The following SLC4A4 variants were observed in gnomAD, a reference collection of about 807,000 sequenced individuals.
The protein encoded by SLC4A4 is electrogenic sodium bicarbonate cotransporter 1.
In SLC4A4, 27 loss-of-function variants were observed where a neutral mutation model predicts 111.5. That is an observed-to-expected ratio of 0.24 (90% CI 0.18 to 0.33). The LOEUF is 0.33. SLC4A4 is among the 10% of genes least tolerant of loss of function. The probability of loss-of-function intolerance (pLI) is 1.00; values close to 1 mark genes in which losing one functional copy is unlikely to be tolerated. For missense variants in SLC4A4, 909 were observed against 1,315.5 expected (o/e 0.69, Z 4.78); for synonymous variants, 443 against 463.4 (o/e 0.96, Z 0.57).
intron 2 of SLC4A4, among the ~76,000 whole-genome samples, chr4:71,124,350 T>C (rs1743509351): frequency 6.6e-6 from 1 of 152,090 alleles, no homozygotes; most frequent in Admixed American, 6.5e-5. Context: ...TTTTGTATTT[T>C]TAGTAGAGAC....
chr4:71,090,317 G>C (rs1311178484), intron 1 of SLC4A4, among the ~76,000 whole-genome samples: 1 of 152,144 alleles, frequency 6.6e-6, no homozygotes, highest in African/African-American at 2.4e-5. Context: ...GACTAGGAAA[G>C]GGAATTCCCT....
At chr4:71,149,212 A>G in intron 2 of SLC4A4, among the ~76,000 whole-genome samples, 1 of 152,188 alleles carries the variant, frequency 6.6e-6, no homozygotes, top group Non-Finnish European at 1.5e-5. Flanking sequence ...TCTTTCTTGA[A>G]TGTTCTCATT....
At chr4:71,286,831 T>C (rs541003744) in intron 3 of SLC4A4, among the ~76,000 whole-genome samples, 4 of 152,368 alleles carry the variant, frequency 2.6e-5, no homozygotes, top group Admixed American at 1.3e-4. Context: ...TGCCAGGCAC[T>C]ATGTTGTACA....
chr4:71,343,793 T>C (rs957507107), intron 4 of SLC4A4, among the ~76,000 whole-genome samples: 11 of 152,190 alleles, frequency 7.2e-5, no homozygotes, highest in Non-Finnish European at 1.3e-4. Flanking sequence ...CCATCATCTC[T>C]TTGACCTTGT....
chr4:71,549,511 T>C (rs1735809292), intron 20 of SLC4A4, among the ~76,000 whole-genome samples: 1 of 151,892 alleles, frequency 6.6e-6, no homozygotes, highest in African/African-American at 2.4e-5. Flanking sequence ...GAGGGATAAA[T>C]GGGCAGAATC....
chr4:71,199,260 G>A (rs1357568097), intron 1 of SLC4A4, among the ~76,000 whole-genome samples: 1 of 152,172 alleles, frequency 6.6e-6, no homozygotes, highest in Non-Finnish European at 1.5e-5. Flanking sequence ...GAAGGCACTA[G>A]TGTAAATGCA....
At chr4:71,376,207 A>G (rs10028573) in intron 6 of SLC4A4, among the ~76,000 whole-genome samples, 5 of 149,608 alleles carry the variant, frequency 3.3e-5, no homozygotes, top group Admixed American at 2.7e-4. Context: ...ATATGTGTGT[A>G]TATATATTTT....
In SLC4A4 at chr4:71,421,112, A is replaced by C. The variant is rs569467958; in HGVS notation, c.808-19504A>C. 7.0e-4 allele frequency among the ~76,000 whole-genome samples: 106 copies of C among 150,928 alleles called. 1 individual carries two copies. The highest frequency in any genetic ancestry group is 2.4e-3 in the African/African-American group (97 of 41,176). On this transcript the variant is annotated intron_variant, in intron 7 of 25. Transcript: ENST00000264485. ...ACCCATCTCACGTGCAGAGACACACATAGGCTCAAAATAAAAGGATGGAGG... is the reference window on the plus strand; with the variant it reads ...ACCCATCTCACGTGCAGAGACACACCTAGGCTCAAAATAAAAGGATGGAGG...
intron 1 of SLC4A4, 65 bp downstream of exon 1, chr4:71,187,466 G>C (rs1745524436): frequency 1.3e-5 from 2 of 152,586 alleles, no homozygotes; most frequent in Admixed American, 1.3e-4. Flanking sequence ...AGGCGGAGGC[G>C]GGCGCGGGCC....
At chr4:71,516,571 T>C (rs1255846304) in intron 16 of SLC4A4, among the ~76,000 whole-genome samples, 3 of 152,188 alleles carry the variant, frequency 2.0e-5, no homozygotes, top group African/African-American at 7.2e-5. Context: ...CCACTGGGTT[T>C]CTAAACCACC....
In SLC4A4 at chr4:71,333,676, G is replaced by A. The variant is rs78064494; in HGVS notation, c.254-5694G>A. Among the ~76,000 whole-genome samples the A allele has an allele frequency of 9.2e-3, 1,406 of 152,304 alleles. 24 individuals carry two copies. Among genetic ancestry groups the A allele is most frequent in the African/African-American group, 0.033 (1,353 of 41,562 alleles). On this transcript the variant is annotated intron_variant, in intron 3 of 25. Coordinates refer to ENST00000264485, the MANE Select transcript of SLC4A4 (RefSeq NM_001098484.3). ...CATGCAGGAACCAGGGCCTGGAGCC[G>A]GGAACTTTAGGAATCTATTTGGTAC... is the stretch of plus-strand genomic sequence containing the variant.
intron 16 of SLC4A4, among the ~76,000 whole-genome samples, chr4:71,501,985 G>C (rs897492160): frequency 6.9e-6 from 1 of 143,950 alleles, no homozygotes; most frequent in Non-Finnish European, 1.5e-5. Flanking sequence ...TTTTTGAGAT[G>C]GAGTCTTGCT....
chr4:71,084,226 CG>C lies in SLC4A4; in HGVS notation c.-64-8502del, dbSNP rs539993195. On this transcript the variant is annotated intron_variant, in intron 1 of 26. Coordinates refer to the SLC4A4 transcript ENST00000649996. ...ATCTTCTAAGAGCATTATTAATAAT[CG>C]GATGTAAAGATCGCCTTGAAGTATA... 1.9e-4 allele frequency among the ~76,000 whole-genome samples: 29 copies of C among 151,970 alleles called. 1 individual carries two copies. The South Asian group carries it at 6.0e-3, about 32-fold the overall frequency.
chr4:71,304,917 T>C (rs1263714095), intron 3 of SLC4A4, among the ~76,000 whole-genome samples: 1 of 152,214 alleles, frequency 6.6e-6, no homozygotes, highest in Non-Finnish European at 1.5e-5. Flanking sequence ...GGGAAATAAA[T>C]TCCAGCATAG....
chr4:71,295,317 G>A (rs1724700831), intron 3 of SLC4A4, among the ~76,000 whole-genome samples: 1 of 152,086 alleles, frequency 6.6e-6, no homozygotes, highest in African/African-American at 2.4e-5. Flanking sequence ...TGAGCTGAGG[G>A]GACAGATTAG....
upstream of SLC4A4, among the ~76,000 whole-genome samples, chr4:71,184,728 A>G (rs182208948): frequency 6.6e-6 from 1 of 152,238 alleles, no homozygotes; most frequent in Non-Finnish European, 1.5e-5. Context: ...GTGAACAAAA[A>G]TCTCAGGATT....
chr4:71,560,606 A>C (rs1736891049), intron 23 of SLC4A4, among the ~76,000 whole-genome samples: 1 of 151,838 alleles, frequency 6.6e-6, no homozygotes, highest in South Asian at 2.1e-4. Context: ...CCCAGGGCTT[A>C]TATTTGAGAT....
At chr4:71,363,471 C>T (rs1038625149) in intron 6 of SLC4A4, among the ~76,000 whole-genome samples, 12 of 152,298 alleles carry the variant, frequency 7.9e-5, no homozygotes, top group African/African-American at 2.4e-4. Flanking sequence ...CCATTTGTCT[C>T]AGGCTGGGTT....
intron 3 of SLC4A4, among the ~76,000 whole-genome samples, chr4:71,309,135 T>G (rs1049114169): frequency 6.6e-6 from 1 of 152,192 alleles, no homozygotes; most frequent in African/African-American, 2.4e-5. Context: ...CACAGCAAAG[T>G]GGCTGTGGCT....
Sources: allele counts gnomAD v4.1 joint callset (sites outside exome capture counted in the v4.1 genomes callset), GRCh38; gene constraint gnomAD v4.1.1; transcripts MANE v1.5; gene names NCBI Gene and HGNC (gene_info 2026-07-23, HGNC 2026-07-21).